Variants in CTIF observed in about 807,000 individuals in gnomAD.
CTIF encodes cap binding complex dependent translation initiation factor.
CTIF carries 21 observed loss-of-function variants against 66.0 expected under a neutral mutation model. That is an observed-to-expected ratio of 0.32 (90% CI 0.23 to 0.46). The LOEUF (loss-of-function observed/expected upper bound fraction) is 0.46, where lower values mean the gene tolerates loss of function less well. CTIF is among the 20% of genes least tolerant of loss of function. The pLI is 1.00. For synonymous variants in CTIF, 345 were observed against 326.4 expected, an observed-to-expected ratio of 1.06 and a Z score of -0.62; for missense variants, 739 against 812.7, an observed-to-expected ratio of 0.91 and a Z score of 1.10.
At chr18:48,595,995 T>C (rs2089981256) in intron 1 of CTIF, among the ~76,000 whole-genome samples, 1 of 152,196 alleles carries the variant, frequency 6.6e-6, no homozygotes, top group African/African-American at 2.4e-5. Flanking sequence ...GTGGCAGTCA[T>C]GGTCTTTTGT....
intron 10 of CTIF, among the ~76,000 whole-genome samples, chr18:48,836,302 G>A (rs1490912957): frequency 6.6e-6 from 1 of 152,140 alleles, no homozygotes; most frequent in African/African-American, 2.4e-5. Flanking sequence ...CCCCCAGAGA[G>A]GCCCTGGGCT....
At chr18:48,575,705 C>T (rs1027145982) in intron 1 of CTIF, among the ~76,000 whole-genome samples, 18 of 152,212 alleles carry the variant, frequency 1.2e-4, no homozygotes, top group Admixed American at 4.6e-4. Context: ...AGACCGGGGC[C>T]GTCCTAAAGC....
chr18:48,754,297 G>A (rs1394461860), intron 7 of CTIF, among the ~76,000 whole-genome samples: 1 of 152,238 alleles, frequency 6.6e-6, no homozygotes, highest in Non-Finnish European at 1.5e-5. Context: ...AAGGTGCTGT[G>A]ATTAGTTGAC....
Position 48,761,336 on chromosome 18 carries a change from G to T in CTIF, c.1072-54G>T, listed in dbSNP as rs952965041. 45 of 1,570,002 alleles carry T rather than the reference G, an allele frequency of 2.9e-5. No individual in the cohort carries two copies. Among genetic ancestry groups the T allele is most frequent in the Non-Finnish European group, 2.9e-5 (33 of 1,153,364 alleles). Reference sequence around the variant, plus strand: ...ACCCTCTTTCCACCAGGCCACCCCTGCACAGAGACCTCGGCTTCACTCAGG... The same window carrying T: ...ACCCTCTTTCCACCAGGCCACCCCTTCACAGAGACCTCGGCTTCACTCAGG... On this transcript the variant is annotated intron_variant, in intron 8 of 11. Transcript: ENST00000256413. The surrounding 1 kb of genome is among the most constrained non-coding windows in gnomAD (Gnocchi z 4.2).
intron 9 of CTIF, among the ~76,000 whole-genome samples, chr18:48,792,597 C>T (rs1204709988): frequency 2.6e-5 from 4 of 152,048 alleles, no homozygotes; most frequent in African/African-American, 9.7e-5. Context: ...AAGGGAGAGT[C>T]TAAGTAAGGG....
intron 10 of CTIF, among the ~76,000 whole-genome samples, chr18:48,824,579 T>A (rs1004151665): frequency 8.5e-5 from 13 of 152,106 alleles, no homozygotes; most frequent in African/African-American, 3.1e-4. Flanking sequence ...CTTAAAGTCC[T>A]TTGTTGAAAA....
intron 9 of CTIF, 29 bp from the exon 10 acceptor site, chr18:48,817,192 G>A: frequency 6.2e-7 from 1 of 1,605,802 alleles, no homozygotes; most frequent in African/African-American, 1.3e-5. Flanking sequence ...AGCCCCGGGA[G>A]GCTGACGCGG....
chr18:48,544,363 G>A (rs1002680144), intron 1 of CTIF, among the ~76,000 whole-genome samples: 13 of 152,238 alleles, frequency 8.5e-5, no homozygotes, highest in African/African-American at 3.1e-4. Flanking sequence ...ATGGTTAGTG[G>A]CATGCCCAAG....
intron 11 of CTIF, 109 bp from the exon 12 acceptor site, chr18:48,859,235 G>A: frequency 1.1e-6 from 1 of 901,662 alleles, no homozygotes; most frequent in East Asian, 2.4e-5. Flanking sequence ...CTGGGCCTGT[G>A]TGTCCTTAAG....
chr18:48,629,798 A>G (rs933126751), intron 2 of CTIF, among the ~76,000 whole-genome samples: 4 of 152,198 alleles, frequency 2.6e-5, no homozygotes, highest in Admixed American at 6.5e-5. Flanking sequence ...ACTTAACCAC[A>G]CTGTGCTTCA....
intron 6 of CTIF, among the ~76,000 whole-genome samples, chr18:48,671,224 C>G (rs1412362238): frequency 6.6e-6 from 1 of 152,070 alleles, no homozygotes; most frequent in Non-Finnish European, 1.5e-5. Flanking sequence ...GGGCCTCTTT[C>G]CTGGAATCAG....
At chr18:48,651,953 A>G (rs965438613) in intron 3 of CTIF, among the ~76,000 whole-genome samples, 6 of 152,364 alleles carry the variant, frequency 3.9e-5, no homozygotes, top group Middle Eastern at 6.8e-3. Context: ...AATCCCTCGG[A>G]CACATTTAAA....
Position 48,649,857 on chromosome 18 carries a change from A to G in CTIF, c.252+13172A>G, listed in dbSNP as rs982348657. On this transcript the variant is annotated intron_variant, in intron 3 of 11. Coordinates refer to ENST00000256413, the MANE Select transcript of CTIF (RefSeq NM_014772.3). ...ACAGGGTCTGGAGTGGACGTCCAGC[A>G]AACTCCAACAGACCTGCACCTGAGG... 2.0e-5 allele frequency among the ~76,000 whole-genome samples: 3 copies of G among 152,346 alleles called. No individual in the cohort carries two copies. The East Asian group carries it at 5.8e-4, about 29-fold the overall frequency.
intron 7 of CTIF, among the ~76,000 whole-genome samples, chr18:48,739,580 C>T (rs368850692): frequency 1.3e-5 from 2 of 152,326 alleles, no homozygotes; most frequent in East Asian, 1.9e-4. Context: ...CTGTCATCAC[C>T]GCCACTCACA....
chr18:48,555,382 T>A (rs1349380583), intron 1 of CTIF, among the ~76,000 whole-genome samples: 1 of 152,168 alleles, frequency 6.6e-6, no homozygotes, highest in Non-Finnish European at 1.5e-5. Context: ...CCCCTTTGAG[T>A]GGCCCAGGGA....
In CTIF at chr18:48,655,297, TAAAA is replaced by T. The variant is rs35564462; in HGVS notation, c.253-8435_253-8432del. Among the ~76,000 whole-genome samples the T allele has an allele frequency of 7.4e-4, 79 of 106,192 alleles. 1 individual carries two copies. Among genetic ancestry groups the T allele is most frequent in the East Asian group, 5.4e-3 (23 of 4,268 alleles). 69.7% of individuals were successfully genotyped at this position (106,192 alleles called of 152,430 possible). ...TCCAGCCTGGGCCATAGAGCAAGAC[TAAAA>T]AAAAAAAAAAAAAAAAAAAGAAGAA... On this transcript the variant is annotated intron_variant, in intron 3 of 11. Coordinates refer to ENST00000256413, the MANE Select transcript of CTIF (RefSeq NM_014772.3).
At chr18:48,558,393 A>G (rs1014846177) in intron 1 of CTIF, among the ~76,000 whole-genome samples, 1 of 152,226 alleles carries the variant, frequency 6.6e-6, no homozygotes, top group Admixed American at 6.5e-5. Flanking sequence ...GAAAACTCCA[A>G]GGTAGTGAAT....
chr18:48,603,067 GTGGATGGA>G (rs373350836), intron 1 of CTIF, among the ~76,000 whole-genome samples: 1 of 148,142 alleles, frequency 6.8e-6, no homozygotes, highest in African/African-American at 2.5e-5. Flanking sequence ...ATAAGAATGG[GTGGATGGA>G]TGGATGGATG....
intron 1 of CTIF, among the ~76,000 whole-genome samples, chr18:48,541,110 T>A (rs2088605910): frequency 6.6e-6 from 1 of 152,132 alleles, no homozygotes; most frequent in South Asian, 2.1e-4. Flanking sequence ...TGGGTGTGCG[T>A]GCCCGCGCTC....
Sources: gnomAD v4.1 joint callset for allele counts (sites outside exome capture counted in the v4.1 genomes callset) on GRCh38, gnomAD v4.1.1 for gene constraint, Gnocchi (gnomAD v3.1) non-coding constraint, MANE v1.5 for transcripts, NCBI Gene and HGNC (gene_info 2026-07-23, HGNC 2026-07-21) for gene names.